The following EPB41L4A variants were observed in gnomAD, a reference collection of about 807,000 sequenced individuals.
EPB41L4A encodes band 4.1-like protein 4A.
Under a neutral mutation model 108.6 loss-of-function variants are expected in EPB41L4A, and 100 were observed. That is an observed-to-expected ratio of 0.92 (90% CI 0.78 to 1.09). The LOEUF is 1.09. EPB41L4A is among the 50% of genes least tolerant of loss of function. The probability of loss-of-function intolerance (pLI) is 0.00; values close to 1 mark genes in which losing one functional copy is unlikely to be tolerated. For synonymous variants in EPB41L4A, 319 were observed against 289.0 expected, an observed-to-expected ratio of 1.10 and a Z score of -1.05; for missense variants, 1,030 against 842.7, an observed-to-expected ratio of 1.22 and a Z score of -2.75.
chr5:112,289,998 G>C (rs1753545377), intron 2 of EPB41L4A, among the ~76,000 whole-genome samples: 2 of 152,164 alleles, frequency 1.3e-5, no homozygotes, highest in Non-Finnish European at 2.9e-5. Context: ...TGAATGTGAT[G>C]TGCATGCCCT....
At chr5:112,354,688 G>C (rs1351455823) in intron 1 of EPB41L4A, among the ~76,000 whole-genome samples, 1 of 152,138 alleles carries the variant, frequency 6.6e-6, no homozygotes, top group Non-Finnish European at 1.5e-5. Flanking sequence ...GATTTTTCAT[G>C]AATGAAAATA....
downstream of EPB41L4A, chr5:112,161,822 C>A: frequency 3.4e-6 from 1 of 292,492 alleles, no homozygotes; most frequent in Non-Finnish European, 6.8e-6. Flanking sequence ...ATTTTTATCA[C>A]CTTTTAAATT....
intron 1 of EPB41L4A, among the ~76,000 whole-genome samples, chr5:112,361,673 G>A (rs1287328883): frequency 6.7e-6 from 1 of 149,606 alleles, no homozygotes; most frequent in African/African-American, 2.5e-5. Flanking sequence ...AAAAATAGTA[G>A]AAGTAAAATA....
intron 1 of EPB41L4A, among the ~76,000 whole-genome samples, chr5:112,405,339 G>A (rs991939613): frequency 1.3e-5 from 2 of 152,162 alleles, no homozygotes; most frequent in African/African-American, 4.8e-5. Context: ...AACCTCATGC[G>A]AGACCTGGAA....
intron 1 of EPB41L4A, among the ~76,000 whole-genome samples, chr5:112,376,336 A>G (rs1363551265): frequency 1.3e-5 from 2 of 152,204 alleles, no homozygotes; most frequent in Non-Finnish European, 2.9e-5. Flanking sequence ...ATATCACTAT[A>G]TATCTAACAG....
chr5:112,367,814 CCTCAGTACCTGGCTGAACAAACTGAA>C (rs1324326551), intron 1 of EPB41L4A, among the ~76,000 whole-genome samples: 1 of 148,596 alleles, frequency 6.7e-6, no homozygotes, highest in Non-Finnish European at 1.5e-5. Context: ...TCAATAAAGT[CCTCAGTACCTGGCTGAACAAACTGAA>C]CTCAGTACCC....
At chr5:112,260,869 C>T (rs1376993486) in intron 7 of EPB41L4A, among the ~76,000 whole-genome samples, 1 of 152,116 alleles carries the variant, frequency 6.6e-6, no homozygotes, top group Non-Finnish European at 1.5e-5. Flanking sequence ...CTGCCAATGC[C>T]CACTTTCAGT....
chr5:112,239,029 C>A (rs1749575411), intron 11 of EPB41L4A, among the ~76,000 whole-genome samples: 1 of 152,108 alleles, frequency 6.6e-6, no homozygotes, highest in Non-Finnish European at 1.5e-5. Flanking sequence ...GGGATGGATC[C>A]CACTTCCCCG....
intron 9 of EPB41L4A, among the ~76,000 whole-genome samples, chr5:112,250,301 G>A (rs1382555572): frequency 5.3e-5 from 8 of 152,128 alleles, no homozygotes; most frequent in South Asian, 2.1e-4. Context: ...TATTTACATC[G>A]TATTCCAGTA....
At chr5:112,290,835 A>G (rs4455607) in intron 2 of EPB41L4A, among the ~76,000 whole-genome samples, 74,158 of 151,954 alleles carry the variant, frequency 0.49, 19,578 homozygotes, top group African/African-American at 0.69. Flanking sequence ...AGGGAGCTGC[A>G]AAGTAAGCAG....
At chr5:112,273,147 T>C (rs1206144435) in intron 4 of EPB41L4A, among the ~76,000 whole-genome samples, 2 of 152,210 alleles carry the variant, frequency 1.3e-5, no homozygotes, top group African/African-American at 4.8e-5. Flanking sequence ...TGCAAATCAA[T>C]AATAAAATGA....
intron 1 of EPB41L4A, among the ~76,000 whole-genome samples, chr5:112,415,851 C>G (rs185690532): frequency 1.3e-5 from 2 of 152,246 alleles, no homozygotes; most frequent in East Asian, 1.9e-4. Context: ...AAGGTTCAAA[C>G]TGTGAACTGC....
intron 1 of EPB41L4A, among the ~76,000 whole-genome samples, chr5:112,406,324 T>A (rs1762069567): frequency 6.6e-6 from 1 of 152,218 alleles, no homozygotes. Flanking sequence ...TGATCAGTTT[T>A]TAATTTTATT....
In EPB41L4A at chr5:112,187,611, C is replaced by T. The variant is rs565183861; in HGVS notation, c.1503-3476G>A. Among the ~76,000 whole-genome samples, 24 of 152,270 alleles carry T rather than the reference C, an allele frequency of 1.6e-4. No individual in the cohort carries two copies. The South Asian group carries it at 4.8e-3, about 30-fold the overall frequency. On this transcript the variant is annotated intron_variant, in intron 17 of 22. Coordinates refer to ENST00000261486, the MANE Select transcript of EPB41L4A (RefSeq NM_022140.5). ...AATGAAGAAAATGACTATTCCTAGC[C>T]TCTTCTTTCCTGTCTTACCAATTAC...
intron 2 of EPB41L4A, among the ~76,000 whole-genome samples, chr5:112,302,069 A>C (rs920070294): frequency 2.0e-5 from 3 of 152,184 alleles, no homozygotes; most frequent in African/African-American, 7.2e-5. Context: ...ATGAAATATA[A>C]ATTCATAGGA....
intron 13 of EPB41L4A, 106 bp downstream of exon 13, chr5:112,209,786 G>A (rs983790256): frequency 3.2e-6 from 2 of 627,428 alleles, no homozygotes; most frequent in Admixed American, 3.0e-5. Flanking sequence ...TGGATCAAAA[G>A]TATTCATTAA....
At chr5:112,260,076 T>A (rs575972434) in intron 7 of EPB41L4A, 97 bp from the exon 8 acceptor site, 1 of 886,406 alleles carries the variant, frequency 1.1e-6, no homozygotes, top group African/African-American at 1.7e-5. Flanking sequence ...TACATTAATA[T>A]TGGATTTAAT....
intron 12 of EPB41L4A, among the ~76,000 whole-genome samples, chr5:112,216,427 G>GA (rs756207743): frequency 1.4e-4 from 22 of 152,054 alleles, no homozygotes; most frequent in South Asian, 4.1e-4. Flanking sequence ...AAATTAAAAT[G>GA]AAAAAAATGT....
At chr5:112,375,901 T>C (rs1449845766) in intron 1 of EPB41L4A, among the ~76,000 whole-genome samples, 1 of 152,198 alleles carries the variant, frequency 6.6e-6, no homozygotes, top group Non-Finnish European at 1.5e-5. Context: ...GCAACATCCC[T>C]GGGGAGTGAA....
Sources: gnomAD v4.1 joint callset for allele counts (sites outside exome capture counted in the v4.1 genomes callset) on GRCh38, gnomAD v4.1.1 for gene constraint, MANE v1.5 for transcripts, NCBI Gene and HGNC (gene_info 2026-07-23, HGNC 2026-07-21) for gene names.